The following ZNF385D variants were observed in gnomAD, a reference collection of about 807,000 sequenced individuals.
The protein encoded by ZNF385D is zinc finger protein 659.
Under a neutral mutation model 35.8 loss-of-function variants are expected in ZNF385D, and 15 were observed. That is an observed-to-expected ratio of 0.42 (90% CI 0.28 to 0.64). ZNF385D has a LOEUF of 0.64. Ranked by LOEUF, ZNF385D falls within the 30% of genes least tolerant of loss-of-function variation. The pLI is 0.23. For missense variants in ZNF385D, 474 were observed against 494.6 expected (o/e 0.96, Z 0.39); for synonymous variants, 212 against 186.8 (o/e 1.13, Z -1.10).
chr3:21,928,336 G>A (rs566286829), intron 3 of ZNF385D, among the ~76,000 whole-genome samples: 1 of 145,194 alleles, frequency 6.9e-6, no homozygotes, highest in Non-Finnish European at 1.5e-5. Context: ...AGGAAGGAGG[G>A]AGGGAGGGAG....
At chr3:22,030,906 T>A (rs193001649) in intron 3 of ZNF385D, among the ~76,000 whole-genome samples, 2 of 152,140 alleles carry the variant, frequency 1.3e-5, no homozygotes, top group Admixed American at 6.6e-5. Flanking sequence ...AGGCATTAAG[T>A]AAAAGTTCCC....
chr3:22,021,876 A>T (rs912273066), intron 3 of ZNF385D, among the ~76,000 whole-genome samples: 1 of 152,038 alleles, frequency 6.6e-6, no homozygotes, highest in Non-Finnish European at 1.5e-5. Flanking sequence ...TGCGGCCTGC[A>T]CTTGGAATGT....
At chr3:22,003,733 G>A (rs998526986) in intron 3 of ZNF385D, among the ~76,000 whole-genome samples, 1 of 151,960 alleles carries the variant, frequency 6.6e-6, no homozygotes, top group Admixed American at 6.6e-5. Context: ...CAGGTATGGT[G>A]GCAGGCACCT....
At position 22,299,987 on chromosome 3, in the gene ZNF385D, C is replaced by G. The variant is rs978094813; in HGVS notation, c.106+72463G>C. On this transcript the variant is annotated intron_variant, in intron 2 of 5. Coordinates refer to the ZNF385D transcript ENST00000494108. ...AAATTCATATGGAACCACAAAAGAC[C>G]CCAAAGAGCCAAAGCAATCTTGAGC... Among the ~76,000 whole-genome samples, 6 of 151,698 alleles carry G rather than the reference C, an allele frequency of 4.0e-5. 1 individual carries two copies. The highest frequency in any genetic ancestry group is 2.6e-4 in the Admixed American group (4 of 15,186).
intron 3 of ZNF385D, among the ~76,000 whole-genome samples, chr3:21,852,540 G>T (rs1696447587): frequency 1.3e-5 from 2 of 151,844 alleles, no homozygotes; most frequent in African/African-American, 4.8e-5. Context: ...ATGTGTGATT[G>T]GTAGGGAATT....
intron 2 of ZNF385D, among the ~76,000 whole-genome samples, chr3:22,174,474 C>T (rs551326695): frequency 1.8e-4 from 27 of 152,176 alleles, no homozygotes; most frequent in South Asian, 8.3e-4. Flanking sequence ...CAAAGTCATA[C>T]GACTCTAAAT....
intron 1 of ZNF385D, among the ~76,000 whole-genome samples, chr3:21,681,752 G>A (rs1009511590): frequency 1.3e-5 from 2 of 149,396 alleles, no homozygotes; most frequent in African/African-American, 4.9e-5. Flanking sequence ...AAAAAATCAT[G>A]TGTATTTTTG....
chr3:21,788,955 A>T (rs1234140533), intron 3 of ZNF385D, among the ~76,000 whole-genome samples: 1 of 152,206 alleles, frequency 6.6e-6, no homozygotes, highest in African/African-American at 2.4e-5. Flanking sequence ...AGGACAGAAG[A>T]ACAAAAAAAG....
At chr3:21,720,833 G>T (rs1324867993) in intron 1 of ZNF385D, among the ~76,000 whole-genome samples, 1 of 152,142 alleles carries the variant, frequency 6.6e-6, no homozygotes, top group Non-Finnish European at 1.5e-5. Flanking sequence ...GGGTAGTAGT[G>T]GGGTTTGGGA....
intron 3 of ZNF385D, among the ~76,000 whole-genome samples, chr3:21,512,320 C>T (rs1273592167): frequency 6.6e-6 from 1 of 151,854 alleles, no homozygotes; most frequent in Non-Finnish European, 1.5e-5. Flanking sequence ...CCAAATGTCC[C>T]CCACAAAAGG....
intron 3 of ZNF385D, among the ~76,000 whole-genome samples, chr3:22,090,486 T>C (rs987163585): frequency 1.3e-5 from 2 of 151,970 alleles, no homozygotes; most frequent in Non-Finnish European, 2.9e-5. Flanking sequence ...TTTTTCTGAG[T>C]GACCCTGAGC....
At chr3:21,719,594 G>A (rs528983829) in intron 1 of ZNF385D, among the ~76,000 whole-genome samples, 14 of 152,248 alleles carry the variant, frequency 9.2e-5, no homozygotes, top group Admixed American at 2.0e-4. Context: ...GACATATGAC[G>A]TATGAACAAG....
chr3:21,574,313 C>T (rs957292673), intron 2 of ZNF385D, among the ~76,000 whole-genome samples: 2 of 152,122 alleles, frequency 1.3e-5, no homozygotes, highest in Admixed American at 6.5e-5. Flanking sequence ...TGAATAAAGT[C>T]CGCAAATTCC....
At chr3:21,533,874 G>A (rs1434938254) in intron 3 of ZNF385D, among the ~76,000 whole-genome samples, 1 of 152,102 alleles carries the variant, frequency 6.6e-6, no homozygotes, top group Non-Finnish European at 1.5e-5. Flanking sequence ...TTATATTACT[G>A]AAGACAAAAG....
chr3:21,449,575 A>G (rs1318708931), intron 4 of ZNF385D, among the ~76,000 whole-genome samples: 1 of 152,104 alleles, frequency 6.6e-6, no homozygotes, highest in Non-Finnish European at 1.5e-5. Flanking sequence ...CAACAACCCA[A>G]CTGTGAAATT....
chr3:22,173,754 T>C (rs1357916906), intron 2 of ZNF385D, among the ~76,000 whole-genome samples: 1 of 152,150 alleles, frequency 6.6e-6, no homozygotes, highest in African/African-American at 2.4e-5. Flanking sequence ...ACTTGCCGTA[T>C]ACAAACTTAC....
chr3:21,501,265 C>G (rs556817578), intron 4 of ZNF385D, among the ~76,000 whole-genome samples: 1 of 152,148 alleles, frequency 6.6e-6, no homozygotes, highest in Non-Finnish European at 1.5e-5. Flanking sequence ...TCTTTCTTGC[C>G]TATTAAACTC....
intron 2 of ZNF385D, among the ~76,000 whole-genome samples, chr3:22,338,933 T>C (rs1400140816): frequency 2.0e-5 from 3 of 152,056 alleles, no homozygotes; most frequent in African/African-American, 7.2e-5. Context: ...ACTCCTGACC[T>C]CAGGTGATCC....
intron 3 of ZNF385D, among the ~76,000 whole-genome samples, chr3:21,908,659 G>T (rs1009753282): frequency 6.6e-6 from 1 of 151,918 alleles, no homozygotes; most frequent in African/African-American, 2.4e-5. Flanking sequence ...AAGAAATTTG[G>T]CCAGATTCAA....
Sources: gnomAD v4.1 joint callset for allele counts (sites outside exome capture counted in the v4.1 genomes callset) on GRCh38, gnomAD v4.1.1 for gene constraint, MANE v1.5 for transcripts, NCBI Gene and HGNC (gene_info 2026-07-23, HGNC 2026-07-21) for gene names.